The following PCDH15 variants were observed in gnomAD, a reference collection of about 807,000 sequenced individuals.
PCDH15 encodes the protein protocadherin related 15.
Under a neutral mutation model 178.5 loss-of-function variants are expected in PCDH15, and 129 were observed. That is an observed-to-expected ratio of 0.72 (90% CI 0.63 to 0.84). The LOEUF (loss-of-function observed/expected upper bound fraction) is 0.84, where lower values mean the gene tolerates loss of function less well. Ranked by LOEUF, PCDH15 falls within the 40% of genes least tolerant of loss-of-function variation. PCDH15 has a pLI of 0.00. For missense variants in PCDH15, 2,230 were observed against 2,099.9 expected, an observed-to-expected ratio of 1.06 and a Z score of -1.21; for synonymous variants, 800 against 732.0, an observed-to-expected ratio of 1.09 and a Z score of -1.50.
At chr10:54,304,567 T>A (rs1436760924) in intron 8 of PCDH15, among the ~76,000 whole-genome samples, 1 of 152,030 alleles carries the variant, frequency 6.6e-6, no homozygotes, top group Non-Finnish European at 1.5e-5. Context: ...TAGGCAGGAA[T>A]TGAATCATGT....
At chr10:55,115,942 TC>T (rs2132060893) in intron 2 of PCDH15, among the ~76,000 whole-genome samples, 2 of 152,264 alleles carry the variant, frequency 1.3e-5, no homozygotes, top group African/African-American at 4.8e-5. Context: ...CAATTTACAT[TC>T]CCAAATGCAT....
chr10:55,144,396 C>G (rs1838443778), intron 2 of PCDH15, among the ~76,000 whole-genome samples: 1 of 152,120 alleles, frequency 6.6e-6, no homozygotes, highest in Non-Finnish European at 1.5e-5. Context: ...GTGTACACTA[C>G]TGGCTTTCTT....
At chr10:54,655,308 G>GAGAGAGAC (rs2094373814) in intron 2 of PCDH15, among the ~76,000 whole-genome samples, 20 of 128,772 alleles carry the variant, frequency 1.6e-4, no homozygotes, top group African/African-American at 4.8e-4. Flanking sequence ...GAGAGACAGA[G>GAGAGAGAC]AGAGAGACAG....
At chr10:54,168,605 C>T (rs1274942541) in intron 13 of PCDH15, among the ~76,000 whole-genome samples, 1 of 151,678 alleles carries the variant, frequency 6.6e-6, no homozygotes, top group African/African-American at 2.4e-5. Flanking sequence ...TGGCTGGAGC[C>T]AAAGGCATAG....
At chr10:55,516,200 C>A (rs899595324) in intron 2 of PCDH15, among the ~76,000 whole-genome samples, 2 of 151,988 alleles carry the variant, frequency 1.3e-5, no homozygotes, top group African/African-American at 4.8e-5. Flanking sequence ...ACGGTTCCCC[C>A]CCATACCGTT....
At chr10:55,253,586 T>C (rs537201603) in intron 1 of PCDH15, among the ~76,000 whole-genome samples, 8 of 150,946 alleles carry the variant, frequency 5.3e-5, no homozygotes, top group Non-Finnish European at 8.9e-5. Context: ...CCATTGTGCA[T>C]TTTAAGTGAA....
chr10:54,718,247 A>C (rs1249618320), intron 1 of PCDH15, among the ~76,000 whole-genome samples: 1 of 149,894 alleles, frequency 6.7e-6, no homozygotes, highest in African/African-American at 2.5e-5. Flanking sequence ...TGTACCCTAA[A>C]ACTTGAAGTA....
rs575266102 is a variant in PCDH15 at position 54,146,995 on chromosome 10, A to G, written c.1784+6105T>C. Among the ~76,000 whole-genome samples the G allele has an allele frequency of 6.2e-3, 883 of 141,556 alleles. 17 individuals are homozygous for G. Among genetic ancestry groups the G allele is most frequent in the African/African-American group, 0.021 (798 of 37,598 alleles). 92.9% of individuals were successfully genotyped at this position (141,556 alleles called of 152,430 possible). A position where few individuals can be genotyped will look rare whatever the true frequency, so the allele number is the denominator to read the frequency against. ...TATATAGTGTATATATATATAATGT[A>G]TATATATAGTGTATATATAATGTGT... On this transcript the variant is annotated intron_variant, in intron 14 of 37. Transcript: ENST00000644397.
At chr10:55,076,120 T>C (rs79497112) in intron 2 of PCDH15, among the ~76,000 whole-genome samples, 11,468 of 152,214 alleles carry the variant, frequency 0.075, 557 homozygotes, top group East Asian at 0.25. Flanking sequence ...GATTTTATTT[T>C]TAAAAAATGA....
chr10:54,270,551 T>C (rs2057983705), intron 8 of PCDH15, among the ~76,000 whole-genome samples: 1 of 152,202 alleles, frequency 6.6e-6, no homozygotes, highest in African/African-American at 2.4e-5. Flanking sequence ...TTCTTCAGCG[T>C]ATCCTCATTG....
intron 2 of PCDH15, among the ~76,000 whole-genome samples, chr10:55,045,578 T>G (rs1272897122): frequency 2.0e-5 from 3 of 152,160 alleles, no homozygotes; most frequent in Non-Finnish European, 2.9e-5. Flanking sequence ...TTCAAATTGT[T>G]TTTTGAATTT....
intron 13 of PCDH15, among the ~76,000 whole-genome samples, chr10:54,180,692 T>C (rs1050210002): frequency 6.6e-6 from 1 of 152,194 alleles, no homozygotes; most frequent in Admixed American, 6.5e-5. Flanking sequence ...ATTCTCTCAA[T>C]GAGAACTAGT....
intron 21 of PCDH15, among the ~76,000 whole-genome samples, chr10:53,991,024 C>T (rs577930987): frequency 5.9e-5 from 9 of 152,268 alleles, no homozygotes; most frequent in Admixed American, 2.6e-4. Flanking sequence ...CTCGAATTCT[C>T]GCCAGGCCTC....
intron 4 of PCDH15, among the ~76,000 whole-genome samples, chr10:54,377,052 T>C (rs914195688): frequency 1.3e-5 from 2 of 152,036 alleles, no homozygotes; most frequent in Non-Finnish European, 2.9e-5. Flanking sequence ...GTTTGCATTA[T>C]AATTTTACAT....
intron 2 of PCDH15, among the ~76,000 whole-genome samples, chr10:55,366,919 T>TTGTG (rs1317630937): frequency 2.8e-5 from 3 of 105,518 alleles, no homozygotes; most frequent in Admixed American, 2.0e-4. Flanking sequence ...TTTCATTTGT[T>TTGTG]TGCGTGTGTG....
intron 2 of PCDH15, among the ~76,000 whole-genome samples, chr10:55,364,208 C>A (rs1845298314): frequency 6.6e-6 from 1 of 152,106 alleles, no homozygotes; most frequent in African/African-American, 2.4e-5. Flanking sequence ...TTTCCTGAGG[C>A]CTCCCCAGCC....
At chr10:55,421,375 A>T (rs1223398315) in intron 2 of PCDH15, among the ~76,000 whole-genome samples, 1 of 149,868 alleles carries the variant, frequency 6.7e-6, no homozygotes, top group African/African-American at 2.4e-5. Flanking sequence ...AAGTAGAAAA[A>T]TTGTTAAAAT....
rs138641485 is a variant in PCDH15, at chr10:55,023,428, C to A, written c.-79-125928G>T. ...AATATTTAATTTTAACACACAACAT[C>A]TTTGAAAAACTACAATTTTACATGT... On this transcript the variant is annotated intron_variant, in intron 2 of 5. Coordinates refer to the PCDH15 transcript ENST00000458638. 5.3e-3 allele frequency among the ~76,000 whole-genome samples: 811 copies of A among 152,200 alleles called. 9 individuals carry two copies. The highest frequency in any genetic ancestry group is 0.018 in the African/African-American group (761 of 41,512).
chr10:55,262,716 C>A (rs1163573883), intron 1 of PCDH15, among the ~76,000 whole-genome samples: 1 of 152,174 alleles, frequency 6.6e-6, no homozygotes, highest in African/African-American at 2.4e-5. Flanking sequence ...GAGCTACTTT[C>A]ACTCAACAAA....
Sources: allele counts gnomAD v4.1 joint callset (sites outside exome capture counted in the v4.1 genomes callset), GRCh38; gene constraint gnomAD v4.1.1; transcripts MANE v1.5; gene names NCBI Gene and HGNC (gene_info 2026-07-23, HGNC 2026-07-21).